MYO3A: variants seen among roughly 807,000 people sequenced by gnomAD.
MYO3A encodes the protein myosin IIIA, also known as myosin-IIIa.
MYO3A carries 180 observed loss-of-function variants against 192.7 expected under a neutral mutation model. The ratio of observed to expected loss-of-function variants is 0.93; its 90% confidence interval spans 0.83 to 1.06. The LOEUF (loss-of-function observed/expected upper bound fraction) is 1.06. Among genes scored for constraint, MYO3A ranks in the 50% least tolerant of loss-of-function variants. The probability of loss-of-function intolerance (pLI) is 0.00; values close to 1 mark genes in which losing one functional copy is unlikely to be tolerated. For missense variants in MYO3A, 1,896 were observed against 1,905.0 expected (o/e 1.00, Z 0.09); for synonymous variants, 628 against 645.3 (o/e 0.97, Z 0.41).
chr10:26,126,504 T>A (rs531467878), intron 19 of MYO3A, among the ~76,000 whole-genome samples: 2 of 152,318 alleles, frequency 1.3e-5, no homozygotes, highest in African/African-American at 4.8e-5. Flanking sequence ...TAACTTTGTG[T>A]CTCTCAAAAT....
intron 10 of MYO3A, among the ~76,000 whole-genome samples, chr10:26,055,994 C>G (rs1045888217): frequency 6.6e-6 from 1 of 152,140 alleles, no homozygotes; most frequent in Non-Finnish European, 1.5e-5. Flanking sequence ...AGAAACAGAG[C>G]AAGCATCAGA....
At chr10:26,195,895 G>A (rs900047419) in intron 32 of MYO3A, among the ~76,000 whole-genome samples, 5 of 152,312 alleles carry the variant, frequency 3.3e-5, no homozygotes, top group South Asian at 4.1e-4. Context: ...CTTCCACGAG[G>A]TCAAGGAGTT....
chr10:26,081,133 T>TACCCCCCCCCCCCCCCC, intron 14 of MYO3A, among the ~76,000 whole-genome samples: 1 of 84,984 alleles, frequency 1.2e-5, no homozygotes. Flanking sequence ...TATATGCCCT[T>TACCCCCCCCCCCCCCCC]CCCCCCCCCC....
intron 18 of MYO3A, among the ~76,000 whole-genome samples, chr10:26,121,634 C>T (rs1210031815): frequency 6.6e-6 from 1 of 152,068 alleles, no homozygotes; most frequent in African/African-American, 2.4e-5. Context: ...CCTGTAGTCT[C>T]AGCTACTCGA....
intron 10 of MYO3A, among the ~76,000 whole-genome samples, chr10:26,038,170 G>A (rs1294273152): frequency 3.3e-5 from 5 of 151,938 alleles, no homozygotes; most frequent in African/African-American, 9.7e-5. Flanking sequence ...GCTTATGATG[G>A]CTTTGGCTAT....
chr10:26,132,080 A>C (rs1037517590), intron 20 of MYO3A, among the ~76,000 whole-genome samples: 3 of 152,242 alleles, frequency 2.0e-5, no homozygotes, highest in African/African-American at 7.2e-5. Context: ...CTCAAATGGC[A>C]GTATTCCATT....
intron 2 of MYO3A, among the ~76,000 whole-genome samples, chr10:25,945,851 G>C (rs1836799776): frequency 6.6e-6 from 1 of 151,970 alleles, no homozygotes; most frequent in South Asian, 2.1e-4. Flanking sequence ...TGTATTTAGT[G>C]TATATTTTGT....
At chr10:26,087,640 G>C (rs531317774) in intron 14 of MYO3A, among the ~76,000 whole-genome samples, 2 of 152,288 alleles carry the variant, frequency 1.3e-5, no homozygotes, top group South Asian at 2.1e-4. Flanking sequence ...TTTGAGGAGA[G>C]GAGCATAAGA....
intron 7 of MYO3A, among the ~76,000 whole-genome samples, chr10:26,018,350 T>G: frequency 6.6e-6 from 1 of 152,188 alleles, no homozygotes; most frequent in Non-Finnish European, 1.5e-5. Context: ...TTGAAGAACA[T>G]ATTTTAAATA....
rs370942096 is a variant in MYO3A, at chr10:26,034,924, A to AGTGTGTGTGTGT, written c.953+8393_953+8394insTGTGTGTGTGTG. ...ATGTTTTTGTGTTTTTTTTACATGAAGCGTGTGTGTGTGTGTGTGTGCGCA... is the reference window on the plus strand; with the variant it reads ...ATGTTTTTGTGTTTTTTTTACATGAAGTGTGTGTGTGTGCGTGTGTGTGTGTGTGTGTGCGCA... On this transcript the variant is annotated intron_variant, in intron 10 of 34. Transcript: ENST00000642920. Among the ~76,000 whole-genome samples the AGTGTGTGTGTGT allele has an allele frequency of 1.9e-3, 284 of 151,120 alleles. 1 individual carries two copies. Among genetic ancestry groups the AGTGTGTGTGTGT allele is most frequent in the Non-Finnish European group, 2.2e-3 (149 of 67,792 alleles).
intron 4 of MYO3A, among the ~76,000 whole-genome samples, chr10:25,980,768 A>G (rs574632937): frequency 7.2e-5 from 11 of 152,332 alleles, no homozygotes; most frequent in African/African-American, 2.6e-4. Flanking sequence ...AGAAAAATTA[A>G]GCAGAAAGTA....
intron 17 of MYO3A, among the ~76,000 whole-genome samples, chr10:26,117,764 C>A (rs1489151321): frequency 1.3e-5 from 2 of 152,144 alleles, no homozygotes; most frequent in Non-Finnish European, 2.9e-5. Flanking sequence ...TAGGTTGATT[C>A]CATGTCTTTG....
chr10:26,179,208 C>T (rs1842489842), intron 31 of MYO3A, among the ~76,000 whole-genome samples: 1 of 143,612 alleles, frequency 7.0e-6, no homozygotes, highest in African/African-American at 2.6e-5. Context: ...AAGTGATTCT[C>T]CTGCCTCAGC....
intron 10 of MYO3A, among the ~76,000 whole-genome samples, chr10:26,061,731 A>T (rs4747545): frequency 6.6e-6 from 1 of 151,854 alleles, no homozygotes; most frequent in Admixed American, 6.6e-5. Context: ...ACATCATAGA[A>T]GATGAATTCA....
chr10:25,984,206 ACAAT>A (rs1014381276), intron 4 of MYO3A, among the ~76,000 whole-genome samples: 80 of 152,312 alleles, frequency 5.3e-4, no homozygotes, highest in African/African-American at 1.9e-3. Context: ...ACAATGAAAA[ACAAT>A]CAAGGTATTC....
intron 10 of MYO3A, among the ~76,000 whole-genome samples, chr10:26,062,530 A>AAAAAAAAAAAAAAAAAAACAAAAACG (rs1554816581): frequency 8.7e-5 from 11 of 125,942 alleles, no homozygotes; most frequent in African/African-American, 3.2e-4. Context: ...AAAAAAAAAA[A>AAAAAAAAAAAAAAAAAAACAAAAACG]AAATTATGGA....
At chr10:25,936,644 A>C (rs530430554) in intron 2 of MYO3A, among the ~76,000 whole-genome samples, 2 of 152,334 alleles carry the variant, frequency 1.3e-5, no homozygotes, top group South Asian at 2.1e-4. Flanking sequence ...CTTTGGCGAC[A>C]CATTGGGAGT....
intron 3 of MYO3A, 34 bp from the exon 4 acceptor site, chr10:25,954,840 T>C (rs1472745316): frequency 1.9e-6 from 3 of 1,599,774 alleles, no homozygotes; most frequent in Middle Eastern, 1.8e-4. Context: ...CATGGTTTTC[T>C]CACAGTTCTA....
chr10:26,138,976 T>C (rs1840001419), intron 20 of MYO3A, among the ~76,000 whole-genome samples: 1 of 152,204 alleles, frequency 6.6e-6, no homozygotes, highest in Non-Finnish European at 1.5e-5. Context: ...CTCTGTCTGA[T>C]TGCTAGCTTC....
Sources: allele counts gnomAD v4.1 joint callset (sites outside exome capture counted in the v4.1 genomes callset), GRCh38; gene constraint gnomAD v4.1.1; transcripts MANE v1.5; gene names NCBI Gene and HGNC (gene_info 2026-07-23, HGNC 2026-07-21).